The following GRM1 variants were observed in gnomAD, a reference collection of about 807,000 sequenced individuals.
GRM1 encodes metabotropic glutamate receptor 1.
In GRM1, 33 loss-of-function variants were observed where a neutral mutation model predicts 90.9. That is an observed-to-expected ratio of 0.36 (90% confidence interval 0.28 to 0.49). The LOEUF (loss-of-function observed/expected upper bound fraction) is 0.49. Ranked by LOEUF, GRM1 falls within the 20% of genes least tolerant of loss-of-function variation. GRM1 has a pLI of 0.99. For synonymous variants in GRM1, 700 were observed against 613.2 expected (o/e 1.14, Z -2.09); for missense variants, 1,190 against 1,534.3 (o/e 0.78, Z 3.75).
intron 2 of GRM1, among the ~76,000 whole-genome samples, chr6:146,166,791 T>C (rs1777922717): frequency 6.6e-6 from 1 of 152,128 alleles, no homozygotes; most frequent in South Asian, 2.1e-4. Flanking sequence ...TTAGACTCTC[T>C]CCATAACCAC....
intron 2 of GRM1, among the ~76,000 whole-genome samples, chr6:146,296,612 G>C (rs958278207): frequency 1.3e-5 from 2 of 152,036 alleles, no homozygotes; most frequent in Admixed American, 1.3e-4. Flanking sequence ...GAATTCCATT[G>C]ATTTTAAAAG....
rs1158009599 is a variant in GRM1, at chr6:146,352,223, G to A, written c.1187-27G>A. 6.2e-6 allele frequency: 10 copies of A among 1,609,962 alleles called. No individual in the cohort carries two copies. The Admixed American group carries it at 1.7e-4, about 27-fold the overall frequency. On this transcript the variant is annotated intron_variant, in intron 3 of 7. Coordinates refer to ENST00000282753, the MANE Select transcript of GRM1 (RefSeq NM_001278064.2). ...GCCTAGTCTTTATCATTGTGACCTT[G>A]GTAGTGATCTATTTTTATTGTTACA...
intron 1 of GRM1, among the ~76,000 whole-genome samples, chr6:146,056,645 C>G (rs962366784): frequency 6.6e-6 from 1 of 152,056 alleles, no homozygotes; most frequent in Admixed American, 6.6e-5. Context: ...GGATTTGTGC[C>G]AAGTGATATG....
At chr6:146,397,267 G>A (rs1263592266) in intron 6 of GRM1, among the ~76,000 whole-genome samples, 1 of 151,914 alleles carries the variant, frequency 6.6e-6, no homozygotes, top group African/African-American at 2.4e-5. Context: ...CTGATCAGGA[G>A]ATCGAGAACA....
chr6:146,354,666 C>T (rs992629557), intron 4 of GRM1, among the ~76,000 whole-genome samples: 18 of 152,118 alleles, frequency 1.2e-4, no homozygotes, highest in African/African-American at 4.1e-4. Context: ...CCTGTCATAC[C>T]ATCGTTCATG....
intron 2 of GRM1, among the ~76,000 whole-genome samples, chr6:146,253,903 GAT>G (rs1399667999): frequency 6.6e-6 from 1 of 151,918 alleles, no homozygotes; most frequent in Non-Finnish European, 1.5e-5. Flanking sequence ...ATACCTGTGA[GAT>G]AATCTTTGGC....
chr6:146,059,014 A>G (rs146106725), intron 1 of GRM1, among the ~76,000 whole-genome samples: 107 of 152,254 alleles, frequency 7.0e-4, no homozygotes, highest in African/African-American at 2.4e-3. Flanking sequence ...TGAAGGGTGG[A>G]ATCAACTTCT....
Position 146,029,780 on chromosome 6 carries a change from A to G in GRM1, c.263A>G (p.Lys88Arg). Reference protein sequence around the residue: ...RVEAMFHTLDKINADPVLLPN... With the variant: ...RVEAMFHTLDRINADPVLLPN... Reference sequence around the variant, plus strand: ...GAGGCCATGTTCCACACGTTGGATAAGATCAACGCGGACCCGGTCCTCCTG... The same window carrying G: ...GAGGCCATGTTCCACACGTTGGATAGGATCAACGCGGACCCGGTCCTCCTG... The change falls in exon 1 of 8, where the codon AAG becomes AGG. Residue 88 changes from lysine (K) to arginine (R), a missense_variant. Transcript: ENST00000282753. 6.2e-7 allele frequency: 1 copy of G among 1,614,032 alleles called. No homozygotes were observed. The highest frequency in any genetic ancestry group is 1.1e-5 in the South Asian group (1 of 91,064).
chr6:146,179,282 A>G (rs371396265), intron 2 of GRM1, among the ~76,000 whole-genome samples: 8 of 152,268 alleles, frequency 5.3e-5, no homozygotes, highest in South Asian at 2.1e-4. Context: ...TGGAAAAGAT[A>G]AAGTTTTACT....
intron 2 of GRM1, among the ~76,000 whole-genome samples, chr6:146,195,424 T>C (rs1172020585): frequency 6.6e-6 from 1 of 152,190 alleles, no homozygotes; most frequent in Non-Finnish European, 1.5e-5. Context: ...AGGAAGGCTC[T>C]ACTGATGGGT....
At chr6:146,102,192 C>T (rs959582030) in intron 1 of GRM1, among the ~76,000 whole-genome samples, 1 of 152,116 alleles carries the variant, frequency 6.6e-6, no homozygotes, top group African/African-American at 2.4e-5. Context: ...CAATCTGGCT[C>T]CTCACCAGGG....
intron 1 of GRM1, among the ~76,000 whole-genome samples, chr6:146,067,201 A>C (rs1269506752): frequency 6.6e-6 from 1 of 152,214 alleles, no homozygotes; most frequent in Admixed American, 6.5e-5. Flanking sequence ...AAAATAACTA[A>C]ATTTGCTCGT....
intron 2 of GRM1, among the ~76,000 whole-genome samples, chr6:146,287,328 G>A (rs1456793340): frequency 6.6e-6 from 1 of 152,082 alleles, no homozygotes; most frequent in Non-Finnish European, 1.5e-5. Context: ...GTCCTTCTCT[G>A]GGACCTTTTA....
At chr6:146,032,899 A>T (rs1790757570) in intron 1 of GRM1, among the ~76,000 whole-genome samples, 1 of 152,166 alleles carries the variant, frequency 6.6e-6, no homozygotes, top group Non-Finnish European at 1.5e-5. Context: ...TGAATGGTAC[A>T]GTTGTTTTTA....
At position 146,304,739 on chromosome 6, in the gene GRM1, A is replaced by T; in HGVS notation, c.1079A>T (p.Asp360Val). ...GATTATTTCCTGAAACTGAGGCTGG[A>T]CACTAACACGAGGAATCCCTGGTTC... ...FDDYFLKLRL[D>V]TNTRNPWFPE... Residue 360 changes from aspartate (D) to valine (V), a missense_variant, in exon 3 of 8, where the codon GAC becomes GTC. Asp to Val is a radical substitution (Grantham distance 152, BLOSUM62 -3). This residue lies in a region of GRM1 where 414 missense variants were observed against 598.4 expected (regional missense o/e 0.69). Transcript: ENST00000282753. 6.2e-7 allele frequency: 1 copy of T among 1,613,984 alleles called. No individual in the cohort carries two copies.
chr6:146,108,318 T>C lies in GRM1; in HGVS notation c.701-51030T>C, dbSNP rs548794460. ...AATTGTAACTCCCACAATTCCCATG[T>C]GTCATGGGAGGAACCTGGTGGGAGG... On this transcript the variant is annotated intron_variant, in intron 1 of 7. Coordinates refer to ENST00000282753, the MANE Select transcript of GRM1 (RefSeq NM_001278064.2). Among the ~76,000 whole-genome samples, 24 of 152,220 alleles carry C rather than the reference T, an allele frequency of 1.6e-4. No homozygotes were observed. The South Asian group carries it at 4.3e-3, about 28-fold the overall frequency.
chr6:146,333,497 T>G (rs1784657485), intron 3 of GRM1, among the ~76,000 whole-genome samples: 1 of 152,218 alleles, frequency 6.6e-6, no homozygotes, highest in Non-Finnish European at 1.5e-5. Context: ...TACTTGTCCT[T>G]CAGCCATTTC....
At chr6:146,338,304 C>A (rs1261706455) in intron 3 of GRM1, among the ~76,000 whole-genome samples, 2 of 152,200 alleles carry the variant, frequency 1.3e-5, no homozygotes, top group Admixed American at 1.3e-4. Context: ...CTAAGACTGG[C>A]ATGGAAAAGA....
intron 3 of GRM1, among the ~76,000 whole-genome samples, chr6:146,330,692 T>G (rs1490899335): frequency 1.3e-5 from 2 of 152,204 alleles, no homozygotes; most frequent in African/African-American, 4.8e-5. Context: ...ATAATGTTGC[T>G]TTGTTTTAAA....
Sources: allele counts gnomAD v4.1 joint callset (sites outside exome capture counted in the v4.1 genomes callset), GRCh38; gene constraint gnomAD v4.1.1; regional missense constraint gnomAD v4.1.1; transcripts MANE v1.5; gene names NCBI Gene and HGNC (gene_info 2026-07-23, HGNC 2026-07-21).